Variants in SYN3 observed in about 807,000 individuals in gnomAD.
The protein encoded by SYN3 is synapsin-3.
In SYN3, 35 loss-of-function variants were observed where a neutral mutation model predicts 65.8. The ratio of observed to expected loss-of-function variants is 0.53; its 90% confidence interval spans 0.41 to 0.70. The LOEUF (loss-of-function observed/expected upper bound fraction) is 0.70. Among genes scored for constraint, SYN3 ranks in the 30% least tolerant of loss-of-function variants. The pLI, the probability that SYN3 is intolerant of heterozygous loss-of-function variation, is 0.00. For missense variants in SYN3, 680 were observed against 749.0 expected, an observed-to-expected ratio of 0.91 and a Z score of 1.08; for synonymous variants, 270 against 292.9, an observed-to-expected ratio of 0.92 and a Z score of 0.80.
At chr22:32,603,597 A>G (rs558940176) in intron 6 of SYN3, among the ~76,000 whole-genome samples, 2 of 151,900 alleles carry the variant, frequency 1.3e-5, no homozygotes, top group African/African-American at 4.8e-5. Flanking sequence ...GACAGTGAAG[A>G]CGGTGCTGCT....
chr22:32,896,856 C>T (rs1357221457), intron 4 of SYN3, among the ~76,000 whole-genome samples: 1 of 152,212 alleles, frequency 6.6e-6, no homozygotes, highest in Non-Finnish European at 1.5e-5. Context: ...TACAAGTGAA[C>T]ACAGTCTCTA....
At chr22:32,625,570 CCTT>C (rs1465389089) in intron 6 of SYN3, among the ~76,000 whole-genome samples, 3 of 152,190 alleles carry the variant, frequency 2.0e-5, no homozygotes, top group South Asian at 4.1e-4. Flanking sequence ...ACTTTAGCAT[CCTT>C]CTTCTTTCTT....
At chr22:32,990,436 C>CCATCCATA (rs2052679168) in intron 2 of SYN3, among the ~76,000 whole-genome samples, 1 of 151,684 alleles carries the variant, frequency 6.6e-6, no homozygotes. Context: ...ATCCATCCAT[C>CCATCCATA]CATCCATCCA....
chr22:33,005,283 T>C (rs949986232), intron 2 of SYN3, among the ~76,000 whole-genome samples: 1 of 152,226 alleles, frequency 6.6e-6, no homozygotes, highest in Admixed American at 6.5e-5. Flanking sequence ...AAGCCATGTA[T>C]GAGTCCACTG....
At chr22:32,994,476 C>T (rs751404379) in intron 2 of SYN3, among the ~76,000 whole-genome samples, 90 of 152,322 alleles carry the variant, frequency 5.9e-4, no homozygotes, top group Admixed American at 1.0e-3. Context: ...CCCAGCCCCT[C>T]CAGCCATCCC....
intron 6 of SYN3, among the ~76,000 whole-genome samples, chr22:32,776,063 C>CAG (rs891382968): frequency 3.3e-5 from 5 of 152,030 alleles, no homozygotes; most frequent in East Asian, 3.9e-4. Flanking sequence ...CTGGTGCCCG[C>CAG]AGAGAGAGAG....
chr22:32,737,048 T>C (rs952624552), intron 6 of SYN3, among the ~76,000 whole-genome samples: 1 of 152,180 alleles, frequency 6.6e-6, no homozygotes, highest in African/African-American at 2.4e-5. Context: ...AAACAACAGT[T>C]CAGAATTTTT....
chr22:32,913,117 A>G (rs1020188630), intron 4 of SYN3, among the ~76,000 whole-genome samples: 4 of 152,148 alleles, frequency 2.6e-5, no homozygotes, highest in Admixed American at 2.6e-4. Context: ...CTTTCTGTAC[A>G]ATTTTGCCAT....
At chr22:32,980,088 G>A (rs1322693807) in intron 3 of SYN3, among the ~76,000 whole-genome samples, 2 of 152,130 alleles carry the variant, frequency 1.3e-5, no homozygotes, top group Admixed American at 6.5e-5. Flanking sequence ...TAAAATGAGG[G>A]ACCTGGATAT....
intron 7 of SYN3, among the ~76,000 whole-genome samples, chr22:32,569,579 A>ATG (rs1244897814): frequency 8.6e-6 from 1 of 116,024 alleles, no homozygotes; most frequent in Non-Finnish European, 1.9e-5. Flanking sequence ...CTCTATATAT[A>ATG]TATATATATA....
intron 6 of SYN3, chr22:32,858,027 T>C (rs2048421250): frequency 1.2e-6 from 2 of 1,614,170 alleles, no homozygotes; most frequent in African/African-American, 2.7e-5. Flanking sequence ...GTCGCGTCTA[T>C]GATGGCAAGA....
In SYN3 at chr22:32,518,270, G is replaced by T; in HGVS notation, c.1383C>A (p.Leu461=). 1.2e-6 allele frequency: 2 copies of T among 1,612,732 alleles called. No individual in the cohort carries two copies. Among genetic ancestry groups the T allele is most frequent in the Middle Eastern group, 1.7e-4 (1 of 6,060 alleles). The change falls in exon 13 of 14, where the codon CTC becomes CTA. Residue 461 remains leucine, a synonymous_variant. Coordinates refer to ENST00000358763, the MANE Select transcript of SYN3 (RefSeq NM_003490.4). Reference sequence around the variant, plus strand: ...TCAGGGGCTGCTGGCCTTGTGGGGAGAGCCTCTGTTGGGAGGGGCTTCCAG... The same window carrying T: ...TCAGGGGCTGCTGGCCTTGTGGGGATAGCCTCTGTTGGGAGGGGCTTCCAG... The part of the protein sequence containing the change: ...QRSGSPSQQR[L]SPQGQQPLSP...
chr22:32,530,143 C>G (rs1175389541), intron 10 of SYN3: 1 of 152,282 alleles, frequency 6.6e-6, no homozygotes, highest in African/African-American at 2.4e-5. Flanking sequence ...AGGAATGGGC[C>G]CCGTGTCCTG....
chr22:32,849,489 G>A, intron 6 of SYN3: 2 of 1,613,898 alleles, frequency 1.2e-6, no homozygotes, highest in Non-Finnish European at 1.7e-6. Context: ...AGCTGGTAAA[G>A]GAGGGGCCCT....
chr22:32,517,461 T>C (rs1160656959), intron 13 of SYN3, among the ~76,000 whole-genome samples: 1 of 152,208 alleles, frequency 6.6e-6, no homozygotes, highest in African/African-American at 2.4e-5. Context: ...TGCAGTCGTA[T>C]GAGTGATCCC....
intron 4 of SYN3, among the ~76,000 whole-genome samples, chr22:32,926,163 T>C (rs2050464693): frequency 6.6e-6 from 1 of 152,198 alleles, no homozygotes; most frequent in South Asian, 2.1e-4. Context: ...GGATAGATGT[T>C]CTTGTTTTTA....
At chr22:33,000,486 G>T (rs470005) in intron 2 of SYN3, among the ~76,000 whole-genome samples, 10,430 of 152,202 alleles carry the variant, frequency 0.069, 431 homozygotes, top group Middle Eastern at 0.2. Flanking sequence ...GAGTCTACAA[G>T]CTGGACACAT....
At chr22:32,897,793 T>C (rs1175446820) in intron 4 of SYN3, among the ~76,000 whole-genome samples, 1 of 152,144 alleles carries the variant, frequency 6.6e-6, no homozygotes, top group Non-Finnish European at 1.5e-5. Context: ...TTTATTTGTT[T>C]TGTGATTTTT....
At chr22:32,962,801 CATCTATCT>C (rs56349346) in intron 3 of SYN3, among the ~76,000 whole-genome samples, 47,534 of 146,274 alleles carry the variant, frequency 0.32, 8,184 homozygotes, top group Non-Finnish European at 0.38. Context: ...AGAGTATCGG[CATCTATCT>C]ATCTATCTAT....
Sources: gnomAD v4.1 joint callset for allele counts (sites outside exome capture counted in the v4.1 genomes callset) on GRCh38, gnomAD v4.1.1 for gene constraint, MANE v1.5 for transcripts, NCBI Gene and HGNC (gene_info 2026-07-23, HGNC 2026-07-21) for gene names.